Variants in CTXND1 observed in about 807,000 individuals in gnomAD.
CTXND1 encodes cortexin domain containing 1.
At chr15:80,221,120 A>G (rs1348483354) in intron 1 of CTXND1, among the ~76,000 whole-genome samples, 3 of 151,996 alleles carry the variant, frequency 2.0e-5, no homozygotes, top group Admixed American at 1.3e-4. Flanking sequence ...CATGTTAGCC[A>G]GGATGGTTTC....
At chr15:80,203,781 G>T (rs1893113305) in intron 1 of CTXND1, 41 bp from the exon 2 acceptor site, 1 of 152,162 alleles carries the variant, frequency 6.6e-6, no homozygotes, top group Admixed American at 6.5e-5. Flanking sequence ...TATTTCCTGA[G>T]ATGCCCAGCC....
intron 1 of CTXND1, among the ~76,000 whole-genome samples, chr15:80,235,895 T>C (rs1000073896): frequency 6.6e-6 from 1 of 151,352 alleles, no homozygotes; most frequent in East Asian, 1.9e-4. Context: ...GGGATAATGA[T>C]GAGGACTTAG....
intron 1 of CTXND1, among the ~76,000 whole-genome samples, chr15:80,243,228 C>A (rs1462417896): frequency 6.6e-6 from 1 of 152,174 alleles, no homozygotes; most frequent in Non-Finnish European, 1.5e-5. Context: ...CTGTGTTAAG[C>A]CATCCCAGGC....
At chr15:80,225,322 ATG>A (rs1416226644) in intron 1 of CTXND1, among the ~76,000 whole-genome samples, 1 of 151,408 alleles carries the variant, frequency 6.6e-6, no homozygotes, top group Non-Finnish European at 1.5e-5. Flanking sequence ...GAGATTTTTA[ATG>A]TGTGTGTTTT....
intron 1 of CTXND1, among the ~76,000 whole-genome samples, chr15:80,206,683 A>G (rs886178152): frequency 6.6e-6 from 1 of 151,942 alleles, no homozygotes; most frequent in Non-Finnish European, 1.5e-5. Context: ...TCAACTTTAG[A>G]TGTATATTTA....
chr15:80,204,181 T>A (rs868682842), intron 1 of CTXND1, among the ~76,000 whole-genome samples: 1,824 of 38,728 alleles, frequency 0.047, 31 homozygotes, highest in African/African-American at 0.11. Context: ...TATATATATA[T>A]ATATATATAT....
At chr15:80,250,667 T>A (rs1311151257) in intron 1 of CTXND1, among the ~76,000 whole-genome samples, 1 of 152,226 alleles carries the variant, frequency 6.6e-6, no homozygotes, top group Non-Finnish European at 1.5e-5. Context: ...CAGAACAGTT[T>A]TCCCAAGGAC....
At chr15:80,247,879 G>T (rs1166236771) in intron 1 of CTXND1, among the ~76,000 whole-genome samples, 1 of 152,136 alleles carries the variant, frequency 6.6e-6, no homozygotes, top group Non-Finnish European at 1.5e-5. Context: ...GCACAATTCT[G>T]CCATACTGTT....
At chr15:80,238,162 G>T (rs575599324) in intron 1 of CTXND1, among the ~76,000 whole-genome samples, 1 of 151,988 alleles carries the variant, frequency 6.6e-6, no homozygotes, top group African/African-American at 2.4e-5. Context: ...ACTAGTACAC[G>T]GTAATGTCCT....
chr15:80,203,098 G>A (rs1893104108), intron 2 of CTXND1, among the ~76,000 whole-genome samples: 1 of 152,164 alleles, frequency 6.6e-6, no homozygotes, highest in African/African-American at 2.4e-5. Context: ...AGTGAACTGG[G>A]AGCTCGAGGA....
intron 1 of CTXND1, among the ~76,000 whole-genome samples, chr15:80,228,543 GC>G (rs1227563821): frequency 6.6e-6 from 1 of 152,032 alleles, no homozygotes; most frequent in African/African-American, 2.4e-5. Flanking sequence ...GGAGCTACTG[GC>G]CCCATATTCT....
chr15:80,202,209 A>C (rs1595902647), intron 2 of CTXND1, among the ~76,000 whole-genome samples, 195 bp from the exon 3 acceptor site: 3 of 16,674 alleles, frequency 1.8e-4, no homozygotes, highest in Non-Finnish European at 3.3e-4. Context: ...CCTTGTAGGT[A>C]AACCAGAGTC....
intron 1 of CTXND1, among the ~76,000 whole-genome samples, chr15:80,249,221 G>A (rs1016081383): frequency 6.6e-6 from 1 of 152,150 alleles, no homozygotes. Flanking sequence ...TGAAAGTGCT[G>A]AGCCACTGTG....
chr15:80,225,753 T>C (rs1893364637), intron 1 of CTXND1, among the ~76,000 whole-genome samples: 1 of 152,242 alleles, frequency 6.6e-6, no homozygotes, highest in Non-Finnish European at 1.5e-5. Flanking sequence ...TCAGTCTTAC[T>C]GAGCATACCA....
chr15:80,248,233 T>C (rs1893656538), intron 1 of CTXND1, among the ~76,000 whole-genome samples: 1 of 152,222 alleles, frequency 6.6e-6, no homozygotes, highest in African/African-American at 2.4e-5. Flanking sequence ...CCTGATTCGA[T>C]GCAGGCAGCC....
At chr15:80,243,885 A>T (rs1893599270) in intron 1 of CTXND1, among the ~76,000 whole-genome samples, 2 of 152,110 alleles carry the variant, frequency 1.3e-5, no homozygotes, top group Admixed American at 1.3e-4. Context: ...GAGCATTTTG[A>T]ATAAGTGGAA....
intron 1 of CTXND1, among the ~76,000 whole-genome samples, chr15:80,239,964 A>C (rs1567135038): frequency 6.6e-6 from 1 of 152,046 alleles, no homozygotes; most frequent in African/African-American, 2.4e-5. Context: ...ATTTTGTATT[A>C]CTTTATTTAT....
At chr15:80,229,997 T>C (rs1244209306) in intron 1 of CTXND1, among the ~76,000 whole-genome samples, 1 of 152,226 alleles carries the variant, frequency 6.6e-6, no homozygotes, top group African/African-American at 2.4e-5. Flanking sequence ...TCTGTAAGGA[T>C]GGGCAGCAGG....
intron 1 of CTXND1, among the ~76,000 whole-genome samples, chr15:80,230,830 G>A (rs543395585): frequency 6.6e-6 from 1 of 152,258 alleles, no homozygotes; most frequent in South Asian, 2.1e-4. Context: ...CGCTGAGGCA[G>A]GTGGATCACC....
Sources: gnomAD v4.1 joint callset for allele counts (sites outside exome capture counted in the v4.1 genomes callset) on GRCh38, gnomAD v4.1.1 for gene constraint, MANE v1.5 for transcripts, NCBI Gene and HGNC (gene_info 2026-07-23, HGNC 2026-07-21) for gene names.